Variants in PALLD observed in about 807,000 individuals in gnomAD.
The protein encoded by PALLD is palladin, cytoskeletal associated protein, also known as palladin.
PALLD carries 61 observed loss-of-function variants against 123.5 expected under a neutral mutation model. The observed-to-expected ratio is 0.49, with a 90% CI of 0.40 to 0.61. PALLD has a LOEUF of 0.61. PALLD is among the 20% of genes least tolerant of loss of function. The probability of loss-of-function intolerance (pLI) is 0.00; values close to 1 mark genes in which losing one functional copy is unlikely to be tolerated. For synonymous variants in PALLD, 465 were observed against 496.4 expected (o/e 0.94, Z 0.84); for missense variants, 1,273 against 1,377.0 (o/e 0.92, Z 1.20).
At chr4:168,831,991 G>C in intron 10 of PALLD, 1 of 985,418 alleles carries the variant, frequency 1.0e-6, no homozygotes, top group South Asian at 4.7e-5. Flanking sequence ...CCCGCCCGCC[G>C]CGCCGCCGGA....
intron 10 of PALLD, among the ~76,000 whole-genome samples, chr4:168,759,179 CAAAAAAAAAAAAA>C (rs1175955888): frequency 0.052 from 461 of 8,928 alleles, 7 homozygotes; most frequent in South Asian, 0.065. Context: ...GACTCCATCT[CAAAAAAAAAAAAA>C]AAAAAAAAAA....
chr4:168,777,706 T>A (rs957316608), intron 10 of PALLD, among the ~76,000 whole-genome samples: 1 of 152,190 alleles, frequency 6.6e-6, no homozygotes, highest in African/African-American at 2.4e-5. Flanking sequence ...CAGAAAATAC[T>A]TCCTCCTCCC....
intron 10 of PALLD, among the ~76,000 whole-genome samples, chr4:168,774,594 G>A (rs1278755727): frequency 2.6e-5 from 4 of 151,722 alleles, no homozygotes; most frequent in Admixed American, 6.6e-5. Flanking sequence ...CGAGTGTGGC[G>A]GTGCACACCT....
At chr4:168,631,552 C>G in intron 2 of PALLD, 6 of 937,712 alleles carry the variant, frequency 6.4e-6, no homozygotes, top group South Asian at 9.8e-5. Flanking sequence ...ACCCTCTCCC[C>G]CTCCCCAGCA....
chr4:168,829,289 GAC>G (rs34524780), intron 10 of PALLD: 95,171 of 151,842 alleles, frequency 0.63, 30,394 homozygotes, highest in Non-Finnish European at 0.7. Flanking sequence ...GAATAAGGCA[GAC>G]ACACAGAGAT....
At chr4:168,673,888 C>CTGTGTG (rs34043206) in intron 3 of PALLD, among the ~76,000 whole-genome samples, 165 of 146,382 alleles carry the variant, frequency 1.1e-3, no homozygotes, top group South Asian at 4.6e-3. Context: ...TTTGAACGTG[C>CTGTGTG]TGTGTGTGTG....
At chr4:168,905,794 T>C (rs377506720) in intron 15 of PALLD, among the ~76,000 whole-genome samples, 24 of 143,954 alleles carry the variant, frequency 1.7e-4, no homozygotes, top group African/African-American at 4.4e-4. Flanking sequence ...TTTTTTCTTT[T>C]TTTTTTTTTT....
chr4:168,830,147 G>A (rs951387983), intron 10 of PALLD, among the ~76,000 whole-genome samples: 1 of 149,686 alleles, frequency 6.7e-6, no homozygotes, highest in Non-Finnish European at 1.5e-5. Flanking sequence ...CAGGAGAATC[G>A]CTTGAACCCA....
At position 168,681,368 on chromosome 4, in the gene PALLD, C is replaced by A; in HGVS notation, c.1124C>A (p.Ala375Asp). ...SSTDSDSESL[A>D]FKSRAGAMPQ... ...ACAGATTCTGACAGTGAAAGTTTAGCTTTCAAATCAAGAGCTGGAGCTATG... is the reference window on the plus strand; with the variant it reads ...ACAGATTCTGACAGTGAAAGTTTAGATTTCAAATCAAGAGCTGGAGCTATG... The change falls in exon 4 of 22, where the codon GCT becomes GAT. Residue 375 changes from alanine (A) to aspartate (D), a missense_variant. Physicochemically the swap from Ala to Asp is moderately radical, Grantham distance 126. Transcript: ENST00000505667. The A allele has an allele frequency of 6.2e-7, 1 of 1,609,248 alleles. No homozygotes were observed. Among genetic ancestry groups the A allele is most frequent in the South Asian group, 1.1e-5 (1 of 90,994 alleles).
At chr4:168,655,727 A>G (rs1390676495) in intron 2 of PALLD, among the ~76,000 whole-genome samples, 1 of 152,196 alleles carries the variant, frequency 6.6e-6, no homozygotes, top group Admixed American at 6.5e-5. Flanking sequence ...TCGTGATTAC[A>G]TAGATTAAGG....
At chr4:168,725,144 G>A (rs1461163106) in intron 10 of PALLD, among the ~76,000 whole-genome samples, 1 of 152,224 alleles carries the variant, frequency 6.6e-6, no homozygotes, top group Non-Finnish European at 1.5e-5. Flanking sequence ...ATGACTAACA[G>A]TTGAATGCCT....
At chr4:168,802,967 C>T (rs1426018963) in intron 10 of PALLD, among the ~76,000 whole-genome samples, 1 of 150,438 alleles carries the variant, frequency 6.6e-6, no homozygotes, top group Non-Finnish European at 1.5e-5. Flanking sequence ...GCTGGGATTA[C>T]AGGTGTAAGC....
At chr4:168,820,114 C>T (rs866283005) in intron 10 of PALLD, among the ~76,000 whole-genome samples, 1 of 152,242 alleles carries the variant, frequency 6.6e-6, no homozygotes, top group Non-Finnish European at 1.5e-5. Flanking sequence ...ATAGTCTTGT[C>T]TTAGGCAAGG....
intron 10 of PALLD, among the ~76,000 whole-genome samples, chr4:168,800,619 A>G (rs1486170502): frequency 2.0e-5 from 3 of 152,212 alleles, no homozygotes; most frequent in Non-Finnish European, 4.4e-5. Flanking sequence ...AGTTCTGGCA[A>G]GGATGTGAAG....
In PALLD at chr4:168,715,711, A is replaced by G. The variant is rs563974619; in HGVS notation, c.1964+3788A>G. Among the ~76,000 whole-genome samples the G allele has an allele frequency of 5.3e-5, 8 of 152,202 alleles. No individual in the cohort carries two copies. In the South Asian group the frequency reaches 6.2e-4, roughly 12 times the overall value. ...CACCCCTGTAATCCCAGTACTTTGG[A>G]AGGCCAAGGTGGGCGGATCACGAGG... is the stretch of plus-strand genomic sequence containing the variant. On this transcript the variant is annotated intron_variant, in intron 10 of 21. Coordinates refer to ENST00000505667, the MANE Select transcript of PALLD (RefSeq NM_001166108.2).
intron 2 of PALLD, among the ~76,000 whole-genome samples, chr4:168,550,161 G>A (rs62335465): frequency 6.6e-6 from 1 of 152,114 alleles, no homozygotes; most frequent in African/African-American, 2.4e-5. Flanking sequence ...GTGGGCCTGG[G>A]ATTGTGGAGG....
chr4:168,767,952 C>T (rs1733906817), intron 10 of PALLD, among the ~76,000 whole-genome samples: 1 of 152,140 alleles, frequency 6.6e-6, no homozygotes, highest in Non-Finnish European at 1.5e-5. Flanking sequence ...CACCATTGCC[C>T]AGCTGTTATC....
intron 10 of PALLD, among the ~76,000 whole-genome samples, chr4:168,785,258 A>G (rs112079541): frequency 0.026 from 3,900 of 152,014 alleles, 149 homozygotes; most frequent in African/African-American, 0.085. Context: ...GATGCTAGCT[A>G]TGTGTGTGAA....
chr4:168,514,628 C>T (rs13120709), intron 2 of PALLD, among the ~76,000 whole-genome samples: 42,712 of 152,048 alleles, frequency 0.28, 6,991 homozygotes, highest in East Asian at 0.57. Flanking sequence ...GTTTCAGATT[C>T]TATTTAGATT....
Sources: allele counts gnomAD v4.1 joint callset (sites outside exome capture counted in the v4.1 genomes callset), GRCh38; gene constraint gnomAD v4.1.1; transcripts MANE v1.5; gene names NCBI Gene and HGNC (gene_info 2026-07-23, HGNC 2026-07-21).